ZNF214: variants seen among roughly 807,000 people sequenced by gnomAD.
ZNF214 encodes BWSCR2-associated zinc finger protein 1.
ZNF214 carries 43 observed loss-of-function variants against 53.9 expected under a neutral mutation model. The observed-to-expected ratio is 0.80, with a 90% CI of 0.63 to 1.03. The LOEUF is 1.03. ZNF214 is among the 50% of genes least tolerant of loss of function. The pLI, the probability that ZNF214 is intolerant of heterozygous loss-of-function variation, is 0.00. For synonymous variants in ZNF214, 217 were observed against 229.5 expected (o/e 0.95, Z 0.49); for missense variants, 724 against 719.1 (o/e 1.01, Z -0.08).
intron 1 of ZNF214, among the ~76,000 whole-genome samples, chr11:7,010,854 G>A (rs1473803814): frequency 6.6e-6 from 1 of 151,762 alleles, no homozygotes; most frequent in Non-Finnish European, 1.5e-5. Context: ...TTTCAATGAT[G>A]CAAGGGTGTT....
chr11:7,002,977 A>C, intron 1 of ZNF214, 122 bp from the exon 2 acceptor site: 1 of 877,000 alleles, frequency 1.1e-6, no homozygotes, highest in Admixed American at 3.6e-5. Context: ...AAGAAAGGTA[A>C]GGAGAGGTAA....
chr11:6,998,100 G>A lies in ZNF214; in HGVS notation c.*1762C>T, dbSNP rs1348418957. ...ATATTTGTTTCCTGCACATATGAAA[G>A]ACACTTTTGTTATAAAACTGGTGAT... On this transcript the variant is annotated 3_prime_UTR_variant, in exon 3 of 3. Transcript: ENST00000278314. Among the ~76,000 whole-genome samples, 2 of 151,876 alleles carry A rather than the reference G, an allele frequency of 1.3e-5. No individual in the cohort carries two copies. Among genetic ancestry groups the A allele is most frequent in the African/African-American group, 4.8e-5 (2 of 41,406 alleles).
In ZNF214 at chr11:7,000,805, T is replaced by G. The variant is rs1218998081; in HGVS notation, c.878A>C (p.His293Pro). The change falls in exon 3 of 3, where the codon CAT becomes CCT. Residue 293 changes from histidine (H) to proline (P), a missense_variant. By Grantham distance (77) the His-to-Pro change is moderately conservative. Transcript: ENST00000278314. ...NFHQSSGVHF[H>P]QRVHIGEVPY... ...TACCTCCCCTATGTGAACTCTCTGA[T>G]GAAAGTGAACTCCGGAGCTCTGATG... 1 of 1,611,406 alleles carries G rather than the reference T, an allele frequency of 6.2e-7. No individual in the cohort carries two copies. Among genetic ancestry groups the G allele is most frequent in the Admixed American group, 1.7e-5 (1 of 59,868 alleles).
Position 6,999,607 on chromosome 11 carries a change from C to T in ZNF214, c.*255G>A, listed in dbSNP as rs1851269591. The stretch of plus-strand genomic sequence containing the variant: ...AATGAAATAGAATGAAGAGTTTTCT[C>T]CTTAAATGTTTAATATATTTATGAC... On this transcript the variant is annotated 3_prime_UTR_variant, in exon 3 of 3. Coordinates refer to ENST00000278314, the MANE Select transcript of ZNF214 (RefSeq NM_013249.4). The T allele has an allele frequency of 7.3e-6, 2 of 273,474 alleles. No individual in the cohort carries two copies. Among genetic ancestry groups the T allele is most frequent in the Non-Finnish European group, 1.4e-5 (2 of 147,786 alleles). The allele number at this position is 273,474 out of a possible 1,614,324, so 16.9% of individuals were successfully genotyped here.
chr11:7,013,659 C>T (rs10839686), intron 1 of ZNF214, among the ~76,000 whole-genome samples: 146,827 of 152,244 alleles, frequency 0.96, 71,041 homozygotes, highest in Middle Eastern at 1. Context: ...GTTCCCACCT[C>T]CTTTTCTCTC....
At chr11:7,017,263 T>A (rs1851791083) in intron 1 of ZNF214, among the ~76,000 whole-genome samples, 1 of 152,114 alleles carries the variant, frequency 6.6e-6, no homozygotes, top group Admixed American at 6.5e-5. Context: ...CATCAAATGG[T>A]TGTAGGAGTT....
chr11:7,013,807 T>C (rs1237246234), intron 1 of ZNF214, among the ~76,000 whole-genome samples: 1 of 152,234 alleles, frequency 6.6e-6, no homozygotes, highest in Non-Finnish European at 1.5e-5. Flanking sequence ...GCATATTATA[T>C]CATGGTAAAG....
At chr11:7,010,489 CAAA>C (rs1026235322) in intron 1 of ZNF214, among the ~76,000 whole-genome samples, 2 of 151,606 alleles carry the variant, frequency 1.3e-5, no homozygotes, top group African/African-American at 4.8e-5. Flanking sequence ...ACCTGGTTGA[CAAA>C]ATAATTTGAA....
Position 7,000,463 on chromosome 11 carries a change from A to G in ZNF214, c.1220T>C (p.Val407Ala). The change falls in exon 3 of 3, where the codon GTA (valine) becomes GCA (alanine). Residue 407 changes from valine to alanine, a missense_variant. Coordinates refer to ENST00000278314, the MANE Select transcript of ZNF214 (RefSeq NM_013249.4). ...QSSNLRIHQL[V>A]HTGEKSYKCE... ...TTTATAAGACTTCTCTCCTGTGTGT[A>G]CTAACTGATGAATTCGAAGATTTGA... 7 of 1,613,314 alleles carry G rather than the reference A, an allele frequency of 4.3e-6. No homozygotes were observed. Among genetic ancestry groups the G allele is most frequent in the Non-Finnish European group, 5.9e-6 (7 of 1,179,560 alleles).
At chr11:7,012,837 A>C (rs2133410682) in intron 1 of ZNF214, among the ~76,000 whole-genome samples, 1 of 152,308 alleles carries the variant, frequency 6.6e-6, no homozygotes, top group Admixed American at 6.5e-5. Flanking sequence ...CATATCACTA[A>C]TTACTTCAAC....
At chr11:7,018,075 A>T (rs1851817534) in intron 1 of ZNF214, among the ~76,000 whole-genome samples, 1 of 152,208 alleles carries the variant, frequency 6.6e-6, no homozygotes, top group East Asian at 1.9e-4. Context: ...ATGTGTATGA[A>T]CATGTATACA....
intron 1 of ZNF214, among the ~76,000 whole-genome samples, chr11:7,014,268 T>TTA (rs1851690991): frequency 6.6e-6 from 1 of 152,136 alleles, no homozygotes; most frequent in South Asian, 2.1e-4. Context: ...AAACTAGACA[T>TTA]TACACATGTA....
intron 1 of ZNF214, chr11:7,019,733 C>T (rs1851866940): frequency 1.3e-5 from 2 of 152,204 alleles, no homozygotes; most frequent in South Asian, 4.1e-4. Context: ...CCTTGCTGAT[C>T]AAAGGTAGGT....
chr11:7,001,110 G>T lies in ZNF214; in HGVS notation c.573C>A (p.Ile191=), dbSNP rs769997977. The T allele has an allele frequency of 1.9e-6, 3 of 1,613,168 alleles. No individual in the cohort carries two copies. The highest frequency in any genetic ancestry group is 2.2e-5 in the South Asian group (2 of 91,056). Residue 191 remains isoleucine, a synonymous_variant, in exon 3 of 3, where the codon ATC becomes ATA. Coordinates refer to ENST00000278314, the MANE Select transcript of ZNF214 (RefSeq NM_013249.4). ...EQKLIVQHSY[I]PVEEALPQYV... is the part of the protein sequence containing the mutation. Reference sequence around the variant, plus strand: ...ACTGTGGAAGGGCTTCCTCCACTGGGATATAAGAATGCTGAACTATGAGCT... The same window carrying T: ...ACTGTGGAAGGGCTTCCTCCACTGGTATATAAGAATGCTGAACTATGAGCT...
chr11:7,006,135 A>G (rs560519237), intron 1 of ZNF214, among the ~76,000 whole-genome samples: 25 of 152,200 alleles, frequency 1.6e-4, no homozygotes, highest in Non-Finnish European at 2.6e-4. Flanking sequence ...ACTAGTAGGA[A>G]TCCCTTCAGG....
At chr11:7,014,688 T>G (rs956006027) in intron 1 of ZNF214, among the ~76,000 whole-genome samples, 2 of 151,304 alleles carry the variant, frequency 1.3e-5, no homozygotes, top group Non-Finnish European at 2.9e-5. Flanking sequence ...TGATTTAGGC[T>G]GGGCATGGTG....
chr11:7,007,702 A>C (rs1851504961), intron 1 of ZNF214, among the ~76,000 whole-genome samples: 1 of 152,014 alleles, frequency 6.6e-6, no homozygotes, highest in Non-Finnish European at 1.5e-5. Context: ...CTCTCAAAAA[A>C]TTATAGCAAG....
At chr11:7,018,683 G>A (rs1162379193) in intron 1 of ZNF214, among the ~76,000 whole-genome samples, 1 of 151,860 alleles carries the variant, frequency 6.6e-6, no homozygotes, top group East Asian at 1.9e-4. Context: ...TGTATTTATA[G>A]TAAAGACGAG....
At chr11:7,019,123 G>A (rs1851850431) in intron 1 of ZNF214, among the ~76,000 whole-genome samples, 1 of 152,130 alleles carries the variant, frequency 6.6e-6, no homozygotes, top group South Asian at 2.1e-4. Context: ...TCCTCTTCTG[G>A]GGAAGGGTAG....
Sources: gnomAD v4.1 joint callset for allele counts (sites outside exome capture counted in the v4.1 genomes callset) on GRCh38, gnomAD v4.1.1 for gene constraint, MANE v1.5 for transcripts, NCBI Gene and HGNC (gene_info 2026-07-23, HGNC 2026-07-21) for gene names.